Variants in SHROOM4 observed in about 807,000 individuals in gnomAD.
SHROOM4 encodes the protein shroom family member 4, also known as protein Shroom4.
A neutral mutation model predicts 80.3 loss-of-function variants in SHROOM4; 17 were observed. The ratio of observed to expected loss-of-function variants is 0.21; its 90% CI spans 0.14 to 0.32. The LOEUF is 0.32. Among genes scored for constraint, SHROOM4 ranks in the 10% least tolerant of loss-of-function variants. SHROOM4 has a pLI of 1.00. For missense variants in SHROOM4, 993 were observed against 1,140.3 expected (o/e 0.87, Z 1.86); for synonymous variants, 400 against 437.5 (o/e 0.91, Z 1.07).
intron 4 of SHROOM4, among the ~76,000 whole-genome samples, chrX:50,629,287 C>T (rs1557253677): frequency 9.0e-6 from 1 of 111,559 alleles, no homozygotes; most frequent in Non-Finnish European, 1.9e-5. Flanking sequence ...TAGAGGGCAT[C>T]CGGCCACACT....
At position 50,635,220 on chromosome X, in the gene SHROOM4, C is replaced by T. The variant is rs781931415; in HGVS notation, c.853G>A (p.Ala285Thr). ...CCATTGAGGAGTTGGGCTCTGGAGGCCTGAAGGCTGTCCCGCCTCACTGGA... is the reference window on the plus strand; with the variant it reads ...CCATTGAGGAGTTGGGCTCTGGAGGTCTGAAGGCTGTCCCGCCTCACTGGA... ...QPPVRRDSLQ[A>T]SRAQLLNGEQ... Residue 285 changes from alanine to threonine, a missense_variant, in exon 4 of 9, where the codon GCC (alanine) becomes ACC (threonine). Physicochemically the swap from Ala to Thr is moderately conservative, Grantham distance 58. Transcript: ENST00000376020. The T allele has an allele frequency of 1.7e-6, 2 of 1,203,326 alleles. No individual in the cohort carries two copies. Among genetic ancestry groups the T allele is most frequent in the Non-Finnish European group, 2.2e-6 (2 of 891,023 alleles).
At chrX:50,647,670 C>T (rs1164365775) in intron 2 of SHROOM4, among the ~76,000 whole-genome samples, 1 of 111,941 alleles carries the variant, frequency 8.9e-6, no homozygotes, top group Non-Finnish European at 1.9e-5. Flanking sequence ...ACTGTTCGAC[C>T]TACCACTTTT....
At chrX:50,699,161 C>T (rs187333464) in intron 1 of SHROOM4, among the ~76,000 whole-genome samples, 28 of 112,185 alleles carry the variant, frequency 2.5e-4, no homozygotes, top group African/African-American at 8.4e-4. Context: ...TCAATGTAAA[C>T]GATGGTTAAC....
At chrX:50,767,316 C>CA (rs1557269385) in intron 1 of SHROOM4, among the ~76,000 whole-genome samples, 2 of 111,946 alleles carry the variant, frequency 1.8e-5, no homozygotes, top group Non-Finnish European at 3.8e-5. Flanking sequence ...CAATACCACA[C>CA]AATCTTATAT....
chrX:50,795,085 T>TG (rs1569549135), intron 1 of SHROOM4, among the ~76,000 whole-genome samples: 18 of 67,725 alleles, frequency 2.7e-4, no homozygotes, highest in African/African-American at 1.2e-3. Flanking sequence ...GATATATATA[T>TG]ATGATATATA....
chrX:50,654,849 G>A (rs1932244220), intron 2 of SHROOM4, among the ~76,000 whole-genome samples: 1 of 107,636 alleles, frequency 9.3e-6, no homozygotes, highest in African/African-American at 3.4e-5. Context: ...GGTATATTGT[G>A]TGATTCTGAA....
chrX:50,633,352 T>G lies in SHROOM4; in HGVS notation c.2721A>C (p.Glu907Asp), dbSNP rs1931152770. 8.3e-7 allele frequency: 1 copy of G among 1,209,997 alleles called. No homozygotes were observed. Among genetic ancestry groups the G allele is most frequent in the South Asian group, 1.8e-5 (1 of 56,747 alleles). ...TTCTCTTTAGCAAGGCAGGGCAGAT[T>G]TCCCCAGAACAATAAATGCAAGGAT... Reference protein sequence around the residue: ...VHDPCIYCSGEICPALLKRNM... With the variant: ...VHDPCIYCSGDICPALLKRNM... Residue 907 changes from glutamate to aspartate, a missense_variant, in exon 4 of 9, where the codon GAA becomes GAC. Coordinates refer to ENST00000376020, the MANE Select transcript of SHROOM4 (RefSeq NM_020717.5).
Position 50,602,630 on chromosome X carries a change from T to A in SHROOM4, c.3942+3A>T. On this transcript the variant is annotated splice_donor_region_variant and intron_variant, in intron 7 of 8. Transcript: ENST00000376020. ...ATCTCTAGGACACATCAAAAAACTTTACCTTTTTTTGAGCCAGTTCATGGT... is the reference window on the plus strand; with the variant it reads ...ATCTCTAGGACACATCAAAAAACTTAACCTTTTTTTGAGCCAGTTCATGGT... 1 of 1,210,902 alleles carries A rather than the reference T, an allele frequency of 8.3e-7. No individual in the cohort carries two copies. The highest frequency in any genetic ancestry group is 1.1e-6 in the Non-Finnish European group (1 of 894,995).
At chrX:50,581,162 A>C in the SHROOM4 span, among the ~76,000 whole-genome samples, 1 of 112,356 alleles carries the variant, frequency 8.9e-6, no homozygotes, top group South Asian at 3.7e-4. Flanking sequence ...AATGCTGTGA[A>C]GGAAAGATCA....
intron 1 of SHROOM4, among the ~76,000 whole-genome samples, chrX:50,803,087 G>A (rs1347340716): frequency 8.9e-6 from 1 of 112,268 alleles, no homozygotes; most frequent in East Asian, 2.8e-4. Flanking sequence ...CTACTCGGGA[G>A]GCTGAGGTAG....
At chrX:50,753,948 C>T (rs782467159) in intron 1 of SHROOM4, among the ~76,000 whole-genome samples, 4 of 111,804 alleles carry the variant, frequency 3.6e-5, no homozygotes, top group Admixed American at 2.9e-4. Context: ...CCAAATGGGG[C>T]TAATTGTCTA....
chrX:50,751,797 G>A (rs781817213), intron 1 of SHROOM4, among the ~76,000 whole-genome samples: 1 of 112,093 alleles, frequency 8.9e-6, no homozygotes, highest in East Asian at 2.8e-4. Flanking sequence ...TAAGACAGTA[G>A]TATAGGGCAG....
chrX:50,767,919 TACATCTATTAG>T (rs1935313591), intron 1 of SHROOM4, among the ~76,000 whole-genome samples: 1 of 112,062 alleles, frequency 8.9e-6, no homozygotes, highest in African/African-American at 3.2e-5. Flanking sequence ...TAATAACAAA[TACATCTATTAG>T]AGTCATGGTA....
chrX:50,806,797 G>A (rs1346142622), intron 1 of SHROOM4, among the ~76,000 whole-genome samples: 1 of 112,294 alleles, frequency 8.9e-6, no homozygotes, highest in Non-Finnish European at 1.9e-5. Context: ...TCAAAGGTAT[G>A]AACACCTTGG....
At chrX:50,791,644 G>A (rs1935855491) in intron 1 of SHROOM4, among the ~76,000 whole-genome samples, 1 of 83,911 alleles carries the variant, frequency 1.2e-5, no homozygotes. Context: ...GGCTGGTCTT[G>A]GAATCCTAGG....
At position 50,591,061 on chromosome X, in the gene SHROOM4, A is replaced by G. The variant is rs782429729; in HGVS notation, c.*5634T>C. Reference sequence around the variant, plus strand: ...TTTATAATTTTGACTCTTACATTCTATAATCCATTTTGAGTTGATTCTTGC... The same window carrying G: ...TTTATAATTTTGACTCTTACATTCTGTAATCCATTTTGAGTTGATTCTTGC... On this transcript the variant is annotated 3_prime_UTR_variant, in exon 9 of 9. Transcript: ENST00000376020. Among the ~76,000 whole-genome samples, 2 of 112,419 alleles carry G rather than the reference A, an allele frequency of 1.8e-5. No individual in the cohort carries two copies. The highest frequency in any genetic ancestry group is 3.8e-5 in the Non-Finnish European group (2 of 53,278).
intron 7 of SHROOM4, among the ~76,000 whole-genome samples, chrX:50,599,543 C>T (rs1314232226): frequency 9.0e-6 from 1 of 111,585 alleles, no homozygotes; most frequent in Non-Finnish European, 1.9e-5. Context: ...GTAAGTGCTG[C>T]GTAAAAGCTA....
At chrX:50,656,070 T>C (rs1226833287) in intron 2 of SHROOM4, among the ~76,000 whole-genome samples, 1 of 111,989 alleles carries the variant, frequency 8.9e-6, no homozygotes, top group Non-Finnish European at 1.9e-5. Flanking sequence ...TTGAGAAATG[T>C]CTCTTCAGAT....
Position 50,591,446 on chromosome X carries a change from T to A in SHROOM4, c.*5249A>T, listed in dbSNP as rs1360678450. ...TTACACAAGGAAGCCACTGGAATTC[T>A]GATAAGCACTGGATTGAATCTGTAG... On this transcript the variant is annotated 3_prime_UTR_variant, in exon 9 of 9. Coordinates refer to ENST00000376020, the MANE Select transcript of SHROOM4 (RefSeq NM_020717.5). 9.0e-6 allele frequency among the ~76,000 whole-genome samples: 1 copy of A among 111,530 alleles called. No individual in the cohort carries two copies. Among genetic ancestry groups the A allele is most frequent in the African/African-American group, 3.3e-5 (1 of 30,655 alleles).
Sources: gnomAD v4.1 joint callset for allele counts (sites outside exome capture counted in the v4.1 genomes callset) on GRCh38, gnomAD v4.1.1 for gene constraint, MANE v1.5 for transcripts, NCBI Gene and HGNC (gene_info 2026-07-23, HGNC 2026-07-21) for gene names.